CHRM5: variants seen among roughly 807,000 people sequenced by gnomAD.
CHRM5 encodes cholinergic receptor muscarinic 5, also known as muscarinic acetylcholine receptor M5.
CHRM5 carries 18 observed loss-of-function variants against 39.0 expected under a neutral mutation model. The observed-to-expected ratio is 0.46, with a 90% CI of 0.32 to 0.68. CHRM5 has a LOEUF of 0.68. CHRM5 is among the 30% of genes least tolerant of loss of function. CHRM5 has a pLI of 0.04. For missense variants in CHRM5, 515 were observed against 651.1 expected (o/e 0.79, Z 2.28); for synonymous variants, 241 against 246.3 (o/e 0.98, Z 0.20).
intron 1 of CHRM5, among the ~76,000 whole-genome samples, chr15:34,034,715 A>T (rs1899036224): frequency 6.6e-6 from 1 of 152,238 alleles, no homozygotes; most frequent in Non-Finnish European, 1.5e-5. Context: ...ACTTAAAAAC[A>T]GAATATGTTA....
intron 2 of CHRM5, among the ~76,000 whole-genome samples, chr15:34,053,902 T>C (rs1056083052): frequency 6.6e-6 from 1 of 151,972 alleles, no homozygotes; most frequent in Non-Finnish European, 1.5e-5. Context: ...ACTTACAGAA[T>C]GGGAGAAAAA....
rs564970843 is a variant in CHRM5, at chr15:33,968,508, G to C, written c.-1050G>C. ...CCTATCAGCTCTTCATTCATGCCAA[G>C]TACGCTCACCGTCCAGAGACATGAT... On this transcript the variant is annotated 5_prime_UTR_variant, in exon 1 of 3. Coordinates refer to ENST00000383263, the MANE Select transcript of CHRM5 (RefSeq NM_012125.4). Among the ~76,000 whole-genome samples, 5 of 152,192 alleles carry C rather than the reference G, an allele frequency of 3.3e-5. No homozygotes were observed. Among genetic ancestry groups the C allele is most frequent in the Admixed American group, 2.0e-4 (3 of 15,278 alleles).
chr15:34,017,133 GGA>G (rs905304476), intron 1 of CHRM5, among the ~76,000 whole-genome samples: 3 of 149,992 alleles, frequency 2.0e-5, no homozygotes, highest in Admixed American at 6.6e-5. Context: ...GTCTCAAGGG[GGA>G]AAAAAAAAGG....
intron 1 of CHRM5, among the ~76,000 whole-genome samples, chr15:34,035,481 C>A (rs1407660364): frequency 6.6e-6 from 1 of 152,066 alleles, no homozygotes; most frequent in Admixed American, 6.6e-5. Context: ...GAGCAGCAGT[C>A]GAAAGAACAG....
chr15:34,007,513 G>A (rs185900183), intron 1 of CHRM5, among the ~76,000 whole-genome samples: 3 of 152,186 alleles, frequency 2.0e-5, no homozygotes, highest in Non-Finnish European at 2.9e-5. Context: ...ACCCAGAGTC[G>A]CCTTTAATGT....
intron 1 of CHRM5, among the ~76,000 whole-genome samples, chr15:34,004,267 A>G (rs867412719): frequency 9.2e-5 from 14 of 152,378 alleles, no homozygotes; most frequent in African/African-American, 3.4e-4. Flanking sequence ...GCTAGAGAAC[A>G]GTTTCCAGTA....
chr15:33,990,603 T>C (rs982678701), intron 1 of CHRM5: 1 of 152,234 alleles, frequency 6.6e-6, no homozygotes, highest in Admixed American at 6.5e-5. Context: ...TAAACAGTCC[T>C]TCATGTGAAC....
intron 1 of CHRM5, among the ~76,000 whole-genome samples, chr15:33,983,140 G>GTGTGTGTGTGTGTGTGTGTGTA (rs1555512722): frequency 5.9e-5 from 7 of 118,376 alleles, no homozygotes; most frequent in African/African-American, 3.1e-4. Context: ...GTGTGTGTGT[G>GTGTGTGTGTGTGTGTGTGTGTA]TGTGTGTGTG....
chr15:33,996,010 T>C (rs1387215568), intron 1 of CHRM5, among the ~76,000 whole-genome samples: 4 of 47,512 alleles, frequency 8.4e-5, no homozygotes, highest in Non-Finnish European at 1.6e-4. Context: ...TCTTAGCAAA[T>C]GGCACACCAG....
intron 1 of CHRM5, chr15:34,039,026 A>AGCTCCTC (rs1414262154): frequency 8.9e-7 from 1 of 1,121,188 alleles, no homozygotes; most frequent in Non-Finnish European, 1.1e-6. Context: ...GGCCTCCCCG[A>AGCTCCTC]GCTCCTCGCT....
intron 1 of CHRM5, among the ~76,000 whole-genome samples, chr15:33,988,185 C>CT (rs146285156): frequency 6.6e-6 from 1 of 152,170 alleles, no homozygotes; most frequent in Non-Finnish European, 1.5e-5. Flanking sequence ...AACACAGCTT[C>CT]TTTTTTTGCA....
chr15:34,027,521 T>C (rs1370142898), intron 1 of CHRM5, among the ~76,000 whole-genome samples: 2 of 123,184 alleles, frequency 1.6e-5, no homozygotes, highest in East Asian at 2.2e-4. Flanking sequence ...AAAGAGAGAC[T>C]CTGTCTCAAA....
rs538314681 is a variant in CHRM5 at position 34,015,212 on chromosome 15, A to G, written c.-407-31328A>G. Among the ~76,000 whole-genome samples the G allele has an allele frequency of 1.1e-3, 169 of 152,308 alleles. 1 individual carries two copies. Among genetic ancestry groups the G allele is most frequent in the Non-Finnish European group, 2.1e-3 (141 of 68,008 alleles). The stretch of plus-strand genomic sequence containing the variant: ...AAATTCCACAAAATAGGCCGGGCGC[A>G]GTGGCTCACGCCTGTAATCCCAGCA... On this transcript the variant is annotated intron_variant, in intron 1 of 2. Transcript: ENST00000383263.
At position 34,063,434 on chromosome 15, in the gene CHRM5, T is replaced by G. The variant is rs1356226485; in HGVS notation, c.717T>G (p.Ala239=). The G allele has an allele frequency of 1.2e-6, 2 of 1,613,890 alleles. No homozygotes were observed. Among genetic ancestry groups the G allele is most frequent in the Middle Eastern group, 3.3e-4 (2 of 6,062 alleles). The change falls in exon 3 of 3, where the codon GCT becomes GCG. Residue 239 remains alanine (A), a synonymous_variant. Transcript: ENST00000383263. This position sits in a 1 kb window ranked among gnomAD's most constrained non-coding sequence, Gnocchi z 4.1. ...AGGGTTCTGACTCTGTGACCAAAGC[T>G]GAGAAGAGAAAGCCAGCTCATAGGG... ...DLQGSDSVTK[A]EKRKPAHRAL...
At chr15:34,042,544 G>T (rs1433462896) in intron 1 of CHRM5, among the ~76,000 whole-genome samples, 3 of 151,638 alleles carry the variant, frequency 2.0e-5, no homozygotes, top group Non-Finnish European at 4.4e-5. Flanking sequence ...AGGATTACAG[G>T]CATGCACCAC....
rs186546645 is a variant in CHRM5, at chr15:33,996,541, G to A, written c.-408+27391G>A. ...CAATATTTGCTGTTCTGCAGCCTCC[G>A]CTGGTGATACCCAGGCAAACAGGGC... On this transcript the variant is annotated intron_variant, in intron 1 of 2. Coordinates refer to ENST00000383263, the MANE Select transcript of CHRM5 (RefSeq NM_012125.4). Among the ~76,000 whole-genome samples the A allele has an allele frequency of 2.3e-4, 35 of 152,308 alleles. No individual in the cohort carries two copies. In the East Asian group the frequency reaches 6.0e-3, roughly 26 times the overall value.
rs181870835 is a variant in CHRM5 at position 34,062,090 on chromosome 15, C to T, written c.-75-553C>T. ...CCTTCACCCTCCTCGTCTTCCCAGC[C>T]CTTTTTAAAATTGCCACAAGAGGGC... On this transcript the variant is annotated intron_variant, in intron 2 of 2. Transcript: ENST00000383263. Among the ~76,000 whole-genome samples, 9 of 152,260 alleles carry T rather than the reference C, an allele frequency of 5.9e-5. No individual in the cohort carries two copies. In the East Asian group the frequency reaches 1.5e-3, roughly 26 times the overall value.
chr15:34,001,908 A>G (rs1897151603), intron 1 of CHRM5, among the ~76,000 whole-genome samples: 1 of 152,224 alleles, frequency 6.6e-6, no homozygotes, highest in African/African-American at 2.4e-5. Context: ...GAAAAAATTC[A>G]AAGCAGTCCC....
Position 34,063,520 on chromosome 15 carries a change from A to C in CHRM5, c.803A>C (p.Gln268Pro). Residue 268 changes from glutamine to proline, a missense_variant, in exon 3 of 3, where the codon CAG becomes CCG. Transcript: ENST00000383263. This position sits in a 1 kb window ranked among gnomAD's most constrained non-coding sequence, Gnocchi z 4.1. Reference sequence around the variant, plus strand: ...ACCCTGGCCCAGCGGGAAAGGAACCAGGCCTCCTGGTCATCCTCCCGCAGG... The same window carrying C: ...ACCCTGGCCCAGCGGGAAAGGAACCCGGCCTCCTGGTCATCCTCCCGCAGG... The part of the protein sequence containing the change: ...RPTLAQRERN[Q>P]ASWSSSRRST... The C allele has an allele frequency of 6.2e-7, 1 of 1,613,764 alleles. No homozygotes were observed. Among genetic ancestry groups the C allele is most frequent in the Non-Finnish European group, 8.5e-7 (1 of 1,180,038 alleles).
Sources: allele counts gnomAD v4.1 joint callset (sites outside exome capture counted in the v4.1 genomes callset), GRCh38; gene constraint gnomAD v4.1.1; non-coding constraint Gnocchi (gnomAD v3.1); transcripts MANE v1.5; gene names NCBI Gene and HGNC (gene_info 2026-07-23, HGNC 2026-07-21).